GPR39: variants seen among roughly 807,000 people sequenced by gnomAD.
The protein encoded by GPR39 is G protein-coupled receptor 39, also known as zinc sensing receptor.
A neutral mutation model predicts 18.4 loss-of-function variants in GPR39; 23 were observed. That is an observed-to-expected ratio of 1.25 (90% CI 0.90 to 1.77). GPR39 has a LOEUF of 1.77. Among genes scored for constraint, GPR39 ranks in the 40% most tolerant of loss-of-function variants. GPR39 has a pLI of 0.00. For missense variants in GPR39, 647 were observed against 602.4 expected, an observed-to-expected ratio of 1.07 and a Z score of -0.78; for synonymous variants, 280 against 257.9, an observed-to-expected ratio of 1.09 and a Z score of -0.82.
chr2:132,509,122 T>G (rs1004388885), intron 1 of GPR39, among the ~76,000 whole-genome samples: 1 of 152,196 alleles, frequency 6.6e-6, no homozygotes, highest in Non-Finnish European at 1.5e-5. Flanking sequence ...TAATCATTCC[T>G]TCTCCCCAGC....
intron 1 of GPR39, among the ~76,000 whole-genome samples, chr2:132,523,370 CAG>C (rs1424479733): frequency 6.6e-6 from 1 of 152,074 alleles, no homozygotes; most frequent in African/African-American, 2.4e-5. Flanking sequence ...TGATGGTTAA[CAG>C]ATGAAAAACT....
intron 1 of GPR39, among the ~76,000 whole-genome samples, chr2:132,524,406 A>G (rs1003819064): frequency 6.6e-6 from 1 of 152,208 alleles, no homozygotes; most frequent in African/African-American, 2.4e-5. Flanking sequence ...AGTGGTGGTG[A>G]CATTGCTCTG....
At chr2:132,484,821 G>A (rs182036663) in intron 1 of GPR39, among the ~76,000 whole-genome samples, 8 of 152,320 alleles carry the variant, frequency 5.3e-5, no homozygotes, top group Non-Finnish European at 1.0e-4. Context: ...TAGATGGTCT[G>A]GAAAACCTCA....
At chr2:132,615,417 A>C (rs1017543902) in intron 1 of GPR39, among the ~76,000 whole-genome samples, 2 of 152,176 alleles carry the variant, frequency 1.3e-5, no homozygotes, top group Non-Finnish European at 2.9e-5. Context: ...ATCATTGCAC[A>C]GTGCCTTCCC....
chr2:132,423,221 A>G (rs985423525), intron 1 of GPR39, among the ~76,000 whole-genome samples: 5 of 152,044 alleles, frequency 3.3e-5, no homozygotes, highest in African/African-American at 7.3e-5. Flanking sequence ...ATGATTGGTC[A>G]TCCTTTCTGC....
At chr2:132,471,669 T>TTC (rs1553449869) in intron 1 of GPR39, among the ~76,000 whole-genome samples, 5 of 150,170 alleles carry the variant, frequency 3.3e-5, no homozygotes, top group African/African-American at 1.3e-4. Context: ...TTTTTTTTTT[T>TTC]CTTCCCCATA....
intron 1 of GPR39, among the ~76,000 whole-genome samples, chr2:132,517,455 T>C (rs1679353569): frequency 6.6e-6 from 1 of 152,146 alleles, no homozygotes; most frequent in Admixed American, 6.5e-5. Context: ...CTCTATCTAG[T>C]GCCCTGTGAA....
intron 1 of GPR39, among the ~76,000 whole-genome samples, chr2:132,644,117 A>G (rs923519334): frequency 6.6e-6 from 1 of 152,184 alleles, no homozygotes; most frequent in African/African-American, 2.4e-5. Context: ...TGTCACTGTA[A>G]CTAAACTCTC....
intron 1 of GPR39, among the ~76,000 whole-genome samples, chr2:132,562,532 A>G (rs1680272217): frequency 6.6e-6 from 1 of 152,154 alleles, no homozygotes; most frequent in African/African-American, 2.4e-5. Context: ...TCCAGAATGC[A>G]ATCTGTCCCC....
chr2:132,620,419 T>C (rs1681420852), intron 1 of GPR39, among the ~76,000 whole-genome samples: 1 of 152,128 alleles, frequency 6.6e-6, no homozygotes, highest in Non-Finnish European at 1.5e-5. Context: ...CTTCAGCTAC[T>C]CAGTCACCCC....
intron 1 of GPR39, among the ~76,000 whole-genome samples, chr2:132,504,138 C>T (rs1048201478): frequency 1.3e-5 from 2 of 152,154 alleles, no homozygotes; most frequent in Non-Finnish European, 2.9e-5. Flanking sequence ...TATGTTCCTG[C>T]AGTCGTTTTT....
At chr2:132,437,223 T>A (rs1046746646) in intron 1 of GPR39, among the ~76,000 whole-genome samples, 1 of 152,170 alleles carries the variant, frequency 6.6e-6, no homozygotes, top group African/African-American at 2.4e-5. Flanking sequence ...CTGAACGATA[T>A]TCACCCATCC....
Position 132,417,359 on chromosome 2 carries a change from T to G in GPR39, c.317T>G (p.Leu106Arg). The change falls in exon 1 of 2, where the codon CTG becomes CGG. Residue 106 changes from leucine (L) to arginine (R), a missense_variant. Leu to Arg is a moderately radical substitution (Grantham distance 102). Transcript: ENST00000329321. ...CCCCTGACCACGTCCAGCTACACCC[T>G]GTCCTGCAAGCTGCACACTTTCCTC... ...WNPLTTSSYT[L>R]SCKLHTFLFE... 6.2e-7 allele frequency: 1 copy of G among 1,614,190 alleles called. No homozygotes were observed. Among genetic ancestry groups the G allele is most frequent in the Non-Finnish European group, 8.5e-7 (1 of 1,180,022 alleles).
At chr2:132,496,640 C>G (rs1043743529) in intron 1 of GPR39, among the ~76,000 whole-genome samples, 3 of 152,222 alleles carry the variant, frequency 2.0e-5, no homozygotes, top group Non-Finnish European at 4.4e-5. Context: ...CTCCTCGGCT[C>G]TGAGTCTGTT....
chr2:132,548,822 T>C (rs1261951539), intron 1 of GPR39, among the ~76,000 whole-genome samples: 1 of 152,218 alleles, frequency 6.6e-6, no homozygotes, highest in Non-Finnish European at 1.5e-5. Flanking sequence ...TTATCACTAC[T>C]CTTATCATTA....
chr2:132,635,302 G>A (rs1681731619), intron 1 of GPR39, among the ~76,000 whole-genome samples: 1 of 152,158 alleles, frequency 6.6e-6, no homozygotes, highest in African/African-American at 2.4e-5. Context: ...GTTACACATT[G>A]AGAATACAAC....
chr2:132,529,967 C>T (rs1174178175), intron 1 of GPR39, among the ~76,000 whole-genome samples: 5 of 152,194 alleles, frequency 3.3e-5, no homozygotes, highest in Non-Finnish European at 7.3e-5. Flanking sequence ...CAAAGGAACA[C>T]AGCTCCTCAC....
At position 132,646,359 on chromosome 2, in the gene GPR39, G is replaced by A. The variant is rs1558873020; in HGVS notation, c.*753G>A. The A allele has an allele frequency of 2.0e-6, 2 of 977,470 alleles. No individual in the cohort carries two copies. Among genetic ancestry groups the A allele is most frequent in the Admixed American group, 3.9e-5 (1 of 25,828 alleles). 60.5% of individuals were successfully genotyped at this position (977,470 alleles called of 1,614,324 possible). A position where few individuals can be genotyped will look rare whatever the true frequency, so the allele number is the denominator to read the frequency against. On this transcript the variant is annotated 3_prime_UTR_variant, in exon 2 of 2. Transcript: ENST00000329321. ...TGTCCCTCTCAGCCCAAATCCAAAC[G>A]GACAGCTCTTCCTTACTCCTCCCAC...
intron 1 of GPR39, among the ~76,000 whole-genome samples, chr2:132,475,476 T>A (rs747398731): frequency 6.6e-6 from 1 of 151,840 alleles, no homozygotes; most frequent in Admixed American, 6.6e-5. Flanking sequence ...TTCGACAAGT[T>A]GATTGAGGGA....
Sources: gnomAD v4.1 joint callset for allele counts (sites outside exome capture counted in the v4.1 genomes callset) on GRCh38, gnomAD v4.1.1 for gene constraint, MANE v1.5 for transcripts, NCBI Gene and HGNC (gene_info 2026-07-23, HGNC 2026-07-21) for gene names.